NALCN: variants seen among roughly 807,000 people sequenced by gnomAD.
The protein encoded by NALCN is sodium leak channel, non-selective.
Under a neutral mutation model 225.3 loss-of-function variants are expected in NALCN, and 111 were observed. The observed-to-expected ratio is 0.49, with a 90% CI of 0.42 to 0.58. The LOEUF is 0.58. Ranked by LOEUF, NALCN falls within the 20% of genes least tolerant of loss-of-function variation. NALCN has a pLI of 0.00. For synonymous variants in NALCN, 764 were observed against 769.0 expected (o/e 0.99, Z 0.11); for missense variants, 1,378 against 2,202.4 (o/e 0.63, Z 7.49).
chr13:101,201,004 G>A (rs922717571), intron 13 of NALCN, among the ~76,000 whole-genome samples: 7 of 152,244 alleles, frequency 4.6e-5, no homozygotes, highest in Admixed American at 4.6e-4. Flanking sequence ...AGAGTAAGTA[G>A]AATATATAGT....
At chr13:101,098,234 T>G (rs1406768930) in intron 27 of NALCN, among the ~76,000 whole-genome samples, 2 of 152,200 alleles carry the variant, frequency 1.3e-5, no homozygotes, top group African/African-American at 4.8e-5. Flanking sequence ...GCTGACATCA[T>G]AGATTACATG....
At chr13:101,320,750 G>A (rs894509139) in intron 7 of NALCN, among the ~76,000 whole-genome samples, 8 of 152,008 alleles carry the variant, frequency 5.3e-5, no homozygotes, top group African/African-American at 1.9e-4. Context: ...GTTCCTGACA[G>A]ATGCCCACAA....
chr13:101,150,078 T>C (rs140043920), intron 15 of NALCN, among the ~76,000 whole-genome samples: 1 of 74,230 alleles, frequency 1.3e-5, no homozygotes, highest in African/African-American at 4.8e-5. Context: ...GTGAACTACA[T>C]CTCAGTGTAA....
At chr13:101,221,033 C>T (rs971406611) in intron 13 of NALCN, among the ~76,000 whole-genome samples, 1 of 152,144 alleles carries the variant, frequency 6.6e-6, no homozygotes, top group Non-Finnish European at 1.5e-5. Context: ...GATGCACAAT[C>T]GGACTTGTAG....
At chr13:101,358,211 A>C (rs751654794) in intron 6 of NALCN, among the ~76,000 whole-genome samples, 14 of 152,210 alleles carry the variant, frequency 9.2e-5, no homozygotes, top group Non-Finnish European at 2.1e-4. Flanking sequence ...AGTACTAAAG[A>C]GCTTATGCAC....
chr13:101,260,025 C>A (rs1023625250), intron 10 of NALCN, among the ~76,000 whole-genome samples: 5 of 152,002 alleles, frequency 3.3e-5, no homozygotes, highest in Non-Finnish European at 7.4e-5. Context: ...CCCGTCCCCC[C>A]AGTACCCATC....
intron 11 of NALCN, among the ~76,000 whole-genome samples, chr13:101,253,049 T>C (rs987264003): frequency 6.6e-6 from 1 of 152,140 alleles, no homozygotes; most frequent in Non-Finnish European, 1.5e-5. Flanking sequence ...AATGTAATCA[T>C]GTTCATTATA....
chr13:101,171,021 A>C (rs190494842), intron 15 of NALCN, among the ~76,000 whole-genome samples: 21 of 152,032 alleles, frequency 1.4e-4, no homozygotes, highest in African/African-American at 4.6e-4. Context: ...TTCCTGCATC[A>C]CTTGAGCTTC....
chr13:101,214,658 G>T (rs1056729120), intron 13 of NALCN, among the ~76,000 whole-genome samples: 7 of 152,102 alleles, frequency 4.6e-5, no homozygotes, highest in African/African-American at 1.7e-4. Flanking sequence ...GAAGTAGCTT[G>T]AATCAAGAAA....
intron 1 of NALCN, among the ~76,000 whole-genome samples, chr13:101,405,155 C>A (rs1224105159): frequency 2.0e-5 from 3 of 152,186 alleles, no homozygotes; most frequent in South Asian, 4.1e-4. Flanking sequence ...TGCACATTTA[C>A]ATCTTCAGTT....
chr13:101,055,798 C>T (rs1294469681), intron 43 of NALCN, among the ~76,000 whole-genome samples: 1 of 151,834 alleles, frequency 6.6e-6, no homozygotes, highest in Non-Finnish European at 1.5e-5. Flanking sequence ...TTAAGTGTCA[C>T]AGAAACCTGT....
In NALCN at chr13:101,323,943, T is replaced by C. The variant is rs1307148234; in HGVS notation, c.799+21323A>G. On this transcript the variant is annotated intron_variant, in intron 7 of 43. Coordinates refer to ENST00000251127, the MANE Select transcript of NALCN (RefSeq NM_052867.4). ...TAGAGTAGTACAGGAGTCACTGAGA[T>C]AGGTTCCTCTATGTAGAGAGGCACT... Among the ~76,000 whole-genome samples, 6 of 152,290 alleles carry C rather than the reference T, an allele frequency of 3.9e-5. No homozygotes were observed. In the East Asian group the frequency reaches 7.7e-4, roughly 20 times the overall value.
intron 14 of NALCN, among the ~76,000 whole-genome samples, chr13:101,183,131 A>G (rs1369227684): frequency 1.3e-5 from 2 of 152,182 alleles, no homozygotes; most frequent in African/African-American, 4.8e-5. Flanking sequence ...TTCTGTTTTT[A>G]CAGAAAGCTG....
chr13:101,302,950 C>G lies in NALCN; in HGVS notation c.800-10584G>C, dbSNP rs970378740. Among the ~76,000 whole-genome samples the G allele has an allele frequency of 5.9e-5, 9 of 151,944 alleles. 1 individual carries two copies. Among genetic ancestry groups the G allele is most frequent in the Admixed American group, 5.9e-4 (9 of 15,234 alleles). On this transcript the variant is annotated intron_variant, in intron 7 of 43. Coordinates refer to ENST00000251127, the MANE Select transcript of NALCN (RefSeq NM_052867.4). Reference sequence around the variant, plus strand: ...TAAAGGTTAAACTAAAATTAAAAATCATTTTTCATGTATTAAGTTATGCTG... The same window carrying G: ...TAAAGGTTAAACTAAAATTAAAAATGATTTTTCATGTATTAAGTTATGCTG...
chr13:101,123,986 T>C (rs2036108616), intron 18 of NALCN, among the ~76,000 whole-genome samples: 12 of 152,226 alleles, frequency 7.9e-5, no homozygotes, highest in Admixed American at 7.9e-4. Flanking sequence ...TACATATGTC[T>C]ATGTAATATA....
chr13:101,282,081 C>G lies in NALCN; in HGVS notation c.1134+1852G>C, dbSNP rs146947745. ...GGGGATTTAAATTGGTAGAGCCATT[C>G]TGAAACGCAGTATGGAGGTTTCCCA... is the stretch of plus-strand genomic sequence containing the variant. On this transcript the variant is annotated intron_variant, in intron 10 of 43. Coordinates refer to ENST00000251127, the MANE Select transcript of NALCN (RefSeq NM_052867.4). Among the ~76,000 whole-genome samples, 156 of 152,266 alleles carry G rather than the reference C, an allele frequency of 1.0e-3. 1 individual carries two copies. The highest frequency in any genetic ancestry group is 1.8e-3 in the Admixed American group (28 of 15,288).
Position 101,376,798 on chromosome 13 carries a change from G to A in NALCN, c.546C>T (p.Ser182=), listed in dbSNP as rs756729778. ...KRSGEQIWSV[S]IFLLFFLLLY... Reference sequence around the variant, plus strand: ...GAAGTAGAAAGAAAAGTAGAAAAATGGAAACACTCCATATTTGTTCTCCCG... The same window carrying A: ...GAAGTAGAAAGAAAAGTAGAAAAATAGAAACACTCCATATTTGTTCTCCCG... Residue 182 remains serine (S), a synonymous_variant, in exon 6 of 44, where the codon TCC becomes TCT. Transcript: ENST00000251127. 1 of 1,613,570 alleles carries A rather than the reference G, an allele frequency of 6.2e-7. No individual in the cohort carries two copies. Among genetic ancestry groups the A allele is most frequent in the Non-Finnish European group, 8.5e-7 (1 of 1,179,890 alleles).
rs1202819666 is a variant in NALCN, at chr13:101,346,079, C to CTA, written c.645-660_645-659insTA. 9.7e-5 allele frequency among the ~76,000 whole-genome samples: 9 copies of CTA among 92,738 alleles called. No homozygotes were observed. The East Asian group carries it at 1.6e-3, about 16-fold the overall frequency. The allele number at this position is 92,738 out of a possible 152,430, so 60.8% of individuals were successfully genotyped here. On this transcript the variant is annotated intron_variant, in intron 6 of 43. Coordinates refer to ENST00000251127, the MANE Select transcript of NALCN (RefSeq NM_052867.4). ...ACTTTCTCTCTCTCTCTCTCTCTCT[C>CTA]TCTCTCTCTATATATATATATATAT...
chr13:101,251,929 A>G (rs142057529), intron 11 of NALCN, among the ~76,000 whole-genome samples: 1 of 152,322 alleles, frequency 6.6e-6, no homozygotes, highest in East Asian at 1.9e-4. Context: ...ACCACAATAG[A>G]GAATGATTTT....
Sources: allele counts gnomAD v4.1 joint callset (sites outside exome capture counted in the v4.1 genomes callset), GRCh38; gene constraint gnomAD v4.1.1; transcripts MANE v1.5; gene names NCBI Gene and HGNC (gene_info 2026-07-23, HGNC 2026-07-21).